ANKFN1: variants seen among roughly 807,000 people sequenced by gnomAD.
The protein encoded by ANKFN1 is ankyrin repeat and fibronectin type III domain containing 1, also known as ankyrin repeat and fibronectin type-III domain-containing protein 1.
A neutral mutation model predicts 108.7 loss-of-function variants in ANKFN1; 74 were observed. The observed-to-expected ratio is 0.68, with a 90% CI of 0.56 to 0.83. The LOEUF (loss-of-function observed/expected upper bound fraction) is 0.83. ANKFN1 is among the 40% of genes least tolerant of loss of function. ANKFN1 has a pLI of 0.00. For missense variants in ANKFN1, 1,505 were observed against 1,382.3 expected (o/e 1.09, Z -1.41); for synonymous variants, 547 against 516.2 (o/e 1.06, Z -0.81).
At chr17:56,494,520 A>G (rs1460679745) in intron 19 of ANKFN1, among the ~76,000 whole-genome samples, 2 of 152,120 alleles carry the variant, frequency 1.3e-5, no homozygotes, top group African/African-American at 4.8e-5. Flanking sequence ...TGAGCCCAGA[A>G]GTTCAAGACC....
chr17:56,205,950 A>G (rs1229586514), intron 1 of ANKFN1, among the ~76,000 whole-genome samples: 2 of 152,010 alleles, frequency 1.3e-5, no homozygotes, highest in Non-Finnish European at 2.9e-5. Flanking sequence ...TCTCTTCATC[A>G]CCTCAAAGCA....
intron 13 of ANKFN1, 83 bp from the exon 14 acceptor site, chr17:56,457,780 T>C: frequency 1.9e-6 from 2 of 1,036,952 alleles, no homozygotes; most frequent in Admixed American, 1.9e-5. Flanking sequence ...GTCAGATTTC[T>C]TTCTCCCTGC....
At chr17:56,503,147 TC>T (rs1360575838) in intron 20 of ANKFN1, among the ~76,000 whole-genome samples, 2 of 141,676 alleles carry the variant, frequency 1.4e-5, no homozygotes, top group African/African-American at 2.6e-5. Flanking sequence ...TTTTTTTTTT[TC>T]CAATACTGCT....
At position 56,510,714 on chromosome 17, in the gene ANKFN1, C is replaced by T. The variant is rs1450339051; in HGVS notation, c.2886C>T (p.Pro962=). ...ATCCCCAGGGCGAGGGCCCAAATCCCGATCACTCATGTGCCGAGTTTCTCC... is the reference window on the plus strand; with the variant it reads ...ATCCCCAGGGCGAGGGCCCAAATCCTGATCACTCATGTGCCGAGTTTCTCC... ...GQDPQGEGPN[P]DHSCAEFLHS... is the part of the protein sequence containing the mutation. Residue 962 remains proline, a synonymous_variant, in exon 21 of 21, where the codon CCC becomes CCT. Transcript: ENST00000682825. 3 of 1,536,036 alleles carry T rather than the reference C, an allele frequency of 2.0e-6. No homozygotes were observed. The highest frequency in any genetic ancestry group is 1.4e-5 in the African/African-American group (1 of 73,060).
chr17:56,437,763 C>T (rs182526900), intron 8 of ANKFN1, among the ~76,000 whole-genome samples: 67 of 152,004 alleles, frequency 4.4e-4, no homozygotes, highest in Admixed American at 2.4e-3. Context: ...ACATGTAATA[C>T]ATATACATAT....
chr17:56,324,526 C>T (rs1237792268), intron 3 of ANKFN1, among the ~76,000 whole-genome samples: 3 of 152,110 alleles, frequency 2.0e-5, no homozygotes, highest in Non-Finnish European at 2.9e-5. Flanking sequence ...TACTCAGTCA[C>T]CTAGCTTACC....
At chr17:56,176,129 G>A (rs1030534164) in intron 1 of ANKFN1, among the ~76,000 whole-genome samples, 2 of 152,094 alleles carry the variant, frequency 1.3e-5, no homozygotes, top group African/African-American at 4.8e-5. Context: ...AGCCAGCTTG[G>A]CACCAACTTA....
Position 56,409,606 on chromosome 17 carries a change from G to C in ANKFN1, c.911-30721G>C, listed in dbSNP as rs79708899. Among the ~76,000 whole-genome samples, 568 of 152,240 alleles carry C rather than the reference G, an allele frequency of 3.7e-3. 2 individuals carry two copies. Among genetic ancestry groups the C allele is most frequent in the African/African-American group, 0.013 (527 of 41,554 alleles). ...TGATAGCTGACTGCTCTGTGATGAAGACAGCCTCACAGAAGTTAATCAGCA... is the reference window on the plus strand; with the variant it reads ...TGATAGCTGACTGCTCTGTGATGAACACAGCCTCACAGAAGTTAATCAGCA... On this transcript the variant is annotated intron_variant, in intron 8 of 20. Transcript: ENST00000682825.
intron 1 of ANKFN1, among the ~76,000 whole-genome samples, chr17:56,188,116 G>T (rs991030331): frequency 6.6e-6 from 1 of 152,054 alleles, no homozygotes. Context: ...TAAATACATT[G>T]CATGAGGCTA....
intron 1 of ANKFN1, among the ~76,000 whole-genome samples, chr17:56,153,923 G>A (rs926633774): frequency 1.3e-5 from 2 of 152,090 alleles, no homozygotes; most frequent in Non-Finnish European, 2.9e-5. Flanking sequence ...CTGTTCACAC[G>A]CTCTCACTGT....
At chr17:56,415,509 G>A (rs2048217432) in intron 8 of ANKFN1, among the ~76,000 whole-genome samples, 1 of 152,096 alleles carries the variant, frequency 6.6e-6, no homozygotes. Flanking sequence ...AACCAAAAAA[G>A]TGAAAGATCT....
intron 4 of ANKFN1, among the ~76,000 whole-genome samples, chr17:56,088,029 A>C (rs917332708): frequency 6.6e-6 from 1 of 151,260 alleles, no homozygotes. Context: ...AGGCATAGGC[A>C]TGAGAGGTTT....
intron 1 of ANKFN1, among the ~76,000 whole-genome samples, chr17:56,176,711 G>A (rs1427639676): frequency 6.6e-6 from 1 of 152,174 alleles, no homozygotes; most frequent in Non-Finnish European, 1.5e-5. Flanking sequence ...CACCTGTCTT[G>A]TATGTAGGAA....
chr17:56,134,244 G>C (rs980633398), intron 4 of ANKFN1, among the ~76,000 whole-genome samples: 2 of 152,126 alleles, frequency 1.3e-5, no homozygotes, highest in Non-Finnish European at 2.9e-5. Context: ...TGACCCTATG[G>C]AATTGGGGTG....
intron 1 of ANKFN1, among the ~76,000 whole-genome samples, chr17:56,208,182 T>C (rs1914684293): frequency 6.6e-6 from 1 of 152,166 alleles, no homozygotes; most frequent in East Asian, 1.9e-4. Flanking sequence ...GCTGATTTTT[T>C]ATATTTTTAG....
chr17:56,063,804 G>A lies in ANKFN1; in HGVS notation c.288+17479G>A, dbSNP rs369255121. ...TCTGTGCTCTTGCTGGAGAGAGATC[G>A]TGATCATTTAGAGGAGAAAAGGCAC... On this transcript the variant is annotated intron_variant, in intron 4 of 12. Coordinates refer to the ANKFN1 transcript ENST00000635860. Among the ~76,000 whole-genome samples, 20 of 152,114 alleles carry A rather than the reference G, an allele frequency of 1.3e-4. No homozygotes were observed. The South Asian group carries it at 3.3e-3, about 25-fold the overall frequency.
In ANKFN1 at chr17:56,499,772, C is replaced by T. The variant is rs139259383; in HGVS notation, c.2644+674C>T. ...CTGACTGGGTTAATATGAATTTCTA[C>T]AAAATACCTCTATGCTTATAAGCAG... On this transcript the variant is annotated intron_variant, in intron 20 of 20. Coordinates refer to ENST00000682825, the MANE Select transcript of ANKFN1 (RefSeq NM_001370326.1). 2.2e-3 allele frequency among the ~76,000 whole-genome samples: 337 copies of T among 152,220 alleles called. 1 individual carries two copies. The highest frequency in any genetic ancestry group is 7.5e-3 in the African/African-American group (313 of 41,538).
At chr17:56,159,095 GGAA>G (rs1189136516) in intron 1 of ANKFN1, among the ~76,000 whole-genome samples, 1 of 150,948 alleles carries the variant, frequency 6.6e-6, no homozygotes, top group African/African-American at 2.4e-5. Context: ...AGGAGGAGGA[GGAA>G]GAAGAAGTAG....
chr17:56,331,374 A>G (rs972732562), intron 4 of ANKFN1, among the ~76,000 whole-genome samples: 5 of 152,114 alleles, frequency 3.3e-5, no homozygotes, highest in African/African-American at 4.8e-5. Context: ...CATGGTTAGA[A>G]CTCCTATTTT....
Sources: gnomAD v4.1 joint callset for allele counts (sites outside exome capture counted in the v4.1 genomes callset) on GRCh38, gnomAD v4.1.1 for gene constraint, MANE v1.5 for transcripts, NCBI Gene and HGNC (gene_info 2026-07-23, HGNC 2026-07-21) for gene names.